The following JRK variants were observed in gnomAD, a reference collection of about 807,000 sequenced individuals.
JRK encodes the protein jerky protein homolog.
For missense variants in JRK, 720 were observed against 509.2 expected (o/e 1.41, Z -3.98); for synonymous variants, 303 against 218.1 (o/e 1.39, Z -3.43).
rs1268642881 is a variant in JRK at position 142,659,104 on chromosome 8, A to C, written c.*5248T>G. The C allele has an allele frequency of 7.3e-7, 1 of 1,375,590 alleles. No homozygotes were observed. The highest frequency in any genetic ancestry group is 9.4e-7 in the Non-Finnish European group (1 of 1,064,064). The allele number at this position is 1,375,590 out of a possible 1,614,324, so 85.2% of individuals were successfully genotyped here. On this transcript the variant is annotated 3_prime_UTR_variant, in exon 2 of 2. Coordinates refer to ENST00000612905, the MANE Select transcript of JRK (RefSeq NM_003724.4). ...TGACAGCCCATCAAGGTACAATGAAATAGAAAAAAGGCTGGCCAGGTGCCA... is the reference window on the plus strand; with the variant it reads ...TGACAGCCCATCAAGGTACAATGAACTAGAAAAAAGGCTGGCCAGGTGCCA...
At chr8:142,669,272 G>C (rs1308584289) in intron 1 of JRK, among the ~76,000 whole-genome samples, 1 of 151,852 alleles carries the variant, frequency 6.6e-6, no homozygotes, top group Non-Finnish European at 1.5e-5. Flanking sequence ...TCTGGAGCTG[G>C]GGGAAGAGGT....
At chr8:142,657,310 G>A (rs953048887), downstream of JRK, 1 of 152,734 alleles carries the variant, frequency 6.5e-6, no homozygotes, top group Admixed American at 6.5e-5. Flanking sequence ...GTGCTTTCTG[G>A]AGGCAGACAC....
rs587755529 is a variant in JRK at position 142,666,599 on chromosome 8, C to T, written c.-462-79G>A. ...ATGGCGTCCTCACGACTCTCCTCAC[C>T]GGGACACTCCAGCTGAAACTCAAGG... On this transcript the variant is annotated intron_variant, in intron 1 of 1. Coordinates refer to ENST00000612905, the MANE Select transcript of JRK (RefSeq NM_003724.4). 7.4e-4 allele frequency: 149 copies of T among 200,674 alleles called. 2 individuals carry two copies. Among genetic ancestry groups the T allele is most frequent in the African/African-American group, 3.1e-3 (135 of 43,454 alleles). The allele number at this position is 200,674 out of a possible 1,614,324, so 12.4% of individuals were successfully genotyped here.
Position 142,659,790 on chromosome 8 carries a change from G to A in JRK, c.*4562C>T. ...AGTGAGCAGTGGAGAACGTGAGGCTGGTCATTAGGAGCAGGTAGCCCTGGG... is the reference window on the plus strand; with the variant it reads ...AGTGAGCAGTGGAGAACGTGAGGCTAGTCATTAGGAGCAGGTAGCCCTGGG... On this transcript the variant is annotated 3_prime_UTR_variant, in exon 2 of 2. Transcript: ENST00000612905. The A allele has an allele frequency of 1.0e-6, 1 of 985,574 alleles. No individual in the cohort carries two copies. Among genetic ancestry groups the A allele is most frequent in the Non-Finnish European group, 1.2e-6 (1 of 830,036 alleles). The allele number at this position is 985,574 out of a possible 1,614,324, so 61.1% of individuals were successfully genotyped here.
chr8:142,646,263 A>G, the JRK span, among the ~76,000 whole-genome samples: 2 of 152,154 alleles, frequency 1.3e-5, no homozygotes, highest in South Asian at 4.2e-4. Flanking sequence ...CTTGCCTTGA[A>G]CCTCCAAGCT....
In JRK at chr8:142,663,720, G is replaced by A. The variant is rs939071691; in HGVS notation, c.*632C>T. On this transcript the variant is annotated 3_prime_UTR_variant, in exon 2 of 2. Transcript: ENST00000612905. The stretch of plus-strand genomic sequence containing the variant: ...CCAGAGCCCATGGGACAGGATCTGC[G>A]GGTAACAGAGGATGGTTCCAGAGTC... 7 of 985,350 alleles carry A rather than the reference G, an allele frequency of 7.1e-6. No homozygotes were observed. The highest frequency in any genetic ancestry group is 4.7e-5 in the South Asian group (1 of 21,288). 61.0% of individuals were successfully genotyped at this position (985,350 alleles called of 1,614,324 possible). A position where few individuals can be genotyped will look rare whatever the true frequency, so the allele number is the denominator to read the frequency against.
intron 1 of JRK, among the ~76,000 whole-genome samples, chr8:142,667,075 C>T (rs966915159): frequency 6.6e-6 from 1 of 152,226 alleles, no homozygotes; most frequent in Non-Finnish European, 1.5e-5. Flanking sequence ...AAACTCCTCT[C>T]TCCGACACAG....
Position 142,659,937 on chromosome 8 carries a change from T to C in JRK, c.*4415A>G, listed in dbSNP as rs1224863699. 1 of 985,424 alleles carries C rather than the reference T, an allele frequency of 1.0e-6. No individual in the cohort carries two copies. Among genetic ancestry groups the C allele is most frequent in the Non-Finnish European group, 1.2e-6 (1 of 830,002 alleles). The allele number at this position is 985,424 out of a possible 1,614,324, so 61.0% of individuals were successfully genotyped here. ...ACTGCCCTGCAAGGGAAACAACAGATGTGCAAGGTCTGAGGGTCCATGTGT... is the reference window on the plus strand; with the variant it reads ...ACTGCCCTGCAAGGGAAACAACAGACGTGCAAGGTCTGAGGGTCCATGTGT... On this transcript the variant is annotated 3_prime_UTR_variant, in exon 2 of 2. Coordinates refer to ENST00000612905, the MANE Select transcript of JRK (RefSeq NM_003724.4).
chr8:142,668,851 G>A (rs1847217486), intron 1 of JRK, among the ~76,000 whole-genome samples: 1 of 151,680 alleles, frequency 6.6e-6, no homozygotes, highest in South Asian at 2.1e-4. Flanking sequence ...CAAGGAGCCC[G>A]TGTCTGGTGC....
At chr8:142,669,672 G>C (rs1847261994) in intron 1 of JRK, among the ~76,000 whole-genome samples, 1 of 151,720 alleles carries the variant, frequency 6.6e-6, no homozygotes, top group Non-Finnish European at 1.5e-5. Context: ...GCGGCTCGGG[G>C]GCCGCGCGCT....
Position 142,664,871 on chromosome 8 carries a change from G to A in JRK, c.1188C>T (p.Ser396=). The A allele has an allele frequency of 6.9e-7, 1 of 1,459,446 alleles. No individual in the cohort carries two copies. The highest frequency in any genetic ancestry group is 1.1e-5 in the South Asian group (1 of 87,144). The allele number at this position is 1,459,446 out of a possible 1,614,324, so 90.4% of individuals were successfully genotyped here. ...ACTCTGCCTCCAACTCCTCCTCAGAGGAGGAGCCTTCGGCAAACGCAACCG... is the reference window on the plus strand; with the variant it reads ...ACTCTGCCTCCAACTCCTCCTCAGAAGAGGAGCCTTCGGCAAACGCAACCG... ...WPSVAFAEGS[S]SEEELEAECF... is the part of the protein sequence containing the mutation. Residue 396 remains serine (S), a synonymous_variant, in exon 2 of 2, where the codon TCC becomes TCT. Coordinates refer to ENST00000612905, the MANE Select transcript of JRK (RefSeq NM_003724.4).
At chr8:142,668,526 A>C (rs1270592734) in intron 1 of JRK, among the ~76,000 whole-genome samples, 1 of 151,910 alleles carries the variant, frequency 6.6e-6, no homozygotes, top group Non-Finnish European at 1.5e-5. Context: ...CAGATTTTTA[A>C]TATGAACCCG....
chr8:142,650,710 T>C, the JRK span, among the ~76,000 whole-genome samples: 1 of 152,228 alleles, frequency 6.6e-6, no homozygotes, highest in South Asian at 2.1e-4. Flanking sequence ...GAAACCTCTT[T>C]CTTTTGTAAA....
At chr8:142,654,854 A>G (rs1185070305), downstream of JRK, among the ~76,000 whole-genome samples, 1 of 151,796 alleles carries the variant, frequency 6.6e-6, no homozygotes, top group Admixed American at 6.6e-5. Flanking sequence ...TGAGGCCAAG[A>G]GCAAGCAGAA....
At position 142,658,687 on chromosome 8, in the gene JRK, T is replaced by C. The variant is rs1371064259; in HGVS notation, c.*5665A>G. On this transcript the variant is annotated 3_prime_UTR_variant, in exon 2 of 2. Transcript: ENST00000612905. ...CCTCCTAATACCACCCTCCTGGGGGTCAGGGTTTCAACATATAAACTTTGG... is the reference window on the plus strand; with the variant it reads ...CCTCCTAATACCACCCTCCTGGGGGCCAGGGTTTCAACATATAAACTTTGG... 1.5e-5 allele frequency: 18 copies of C among 1,231,558 alleles called. No homozygotes were observed. The highest frequency in any genetic ancestry group is 1.9e-5 in the Non-Finnish European group (18 of 931,576). The allele number at this position is 1,231,558 out of a possible 1,614,324, so 76.3% of individuals were successfully genotyped here.
At chr8:142,668,843 A>G (rs1847216700) in intron 1 of JRK, among the ~76,000 whole-genome samples, 2 of 151,714 alleles carry the variant, frequency 1.3e-5, no homozygotes, top group Admixed American at 6.6e-5. Flanking sequence ...CGTGTCCACA[A>G]GGAGCCCGTG....
At position 142,660,512 on chromosome 8, in the gene JRK, G is replaced by A. The variant is rs1015402993; in HGVS notation, c.*3840C>T. 5.3e-5 allele frequency: 43 copies of A among 815,504 alleles called. No individual in the cohort carries two copies. In the African/African-American group the frequency reaches 5.8e-4, roughly 11 times the overall value. 50.5% of individuals were successfully genotyped at this position (815,504 alleles called of 1,614,324 possible). The stretch of plus-strand genomic sequence containing the variant: ...AACTCCTGGGCTTGGGGATCCTCCC[G>A]CCTCGGCCTCCTGAGTAGCTGGGGT... On this transcript the variant is annotated 3_prime_UTR_variant, in exon 2 of 2. Coordinates refer to ENST00000612905, the MANE Select transcript of JRK (RefSeq NM_003724.4).
rs370106580 is a variant in JRK at position 142,664,557 on chromosome 8, G to A, written c.1502C>T (p.Ala501Val). The change falls in exon 2 of 2, where the codon GCG (alanine) becomes GTG (valine). Residue 501 changes from alanine to valine, a missense_variant. Ala to Val is a moderately conservative substitution (Grantham distance 64). Transcript: ENST00000612905. ...CGCACTGAAGCATGGCTGCCGCTCCGCAAAGCGCAGGACTGCGTCAAAGGC... is the reference window on the plus strand; with the variant it reads ...CGCACTGAAGCATGGCTGCCGCTCCACAAAGCGCAGGACTGCGTCAAAGGC... Reference protein sequence around the residue: ...AVAFDAVLRFAERQPCFSAQE... With the variant: ...AVAFDAVLRFVERQPCFSAQE... The A allele has an allele frequency of 1.1e-4, 182 of 1,607,254 alleles. 1 individual carries two copies. The South Asian group carries it at 1.6e-3, about 14-fold the overall frequency.
chr8:142,659,994 G>A lies in JRK; in HGVS notation c.*4358C>T. ...AGAGGCCAGAGCTGACACCACATGG[G>A]CAAAGGAGTGGGCGTGTGGGGCTGG... On this transcript the variant is annotated 3_prime_UTR_variant, in exon 2 of 2. Coordinates refer to ENST00000612905, the MANE Select transcript of JRK (RefSeq NM_003724.4). The A allele has an allele frequency of 1.0e-6, 1 of 985,794 alleles. No homozygotes were observed. Among genetic ancestry groups the A allele is most frequent in the Non-Finnish European group, 1.2e-6 (1 of 830,130 alleles). 61.1% of individuals were successfully genotyped at this position (985,794 alleles called of 1,614,324 possible). A position where few individuals can be genotyped will look rare whatever the true frequency, so the allele number is the denominator to read the frequency against.
Sources: allele counts gnomAD v4.1 joint callset (sites outside exome capture counted in the v4.1 genomes callset), GRCh38; gene constraint gnomAD v4.1.1; transcripts MANE v1.5; gene names NCBI Gene and HGNC (gene_info 2026-07-23, HGNC 2026-07-21).